Variants in PDE1A observed in about 807,000 individuals in gnomAD.
PDE1A encodes dual specificity calcium/calmodulin-dependent 3',5'-cyclic nucleotide phosphodiesterase 1A.
Under a neutral mutation model 61.7 loss-of-function variants are expected in PDE1A, and 35 were observed. That is an observed-to-expected ratio of 0.57 (90% CI 0.43 to 0.75). The LOEUF (loss-of-function observed/expected upper bound fraction) is 0.75. PDE1A is among the 30% of genes least tolerant of loss of function. The pLI is 0.00. For synonymous variants in PDE1A, 232 were observed against 213.2 expected (o/e 1.09, Z -0.77); for missense variants, 597 against 630.6 (o/e 0.95, Z 0.57).
chr2:182,622,515 A>G, the PDE1A span, among the ~76,000 whole-genome samples: 3 of 152,220 alleles, frequency 2.0e-5, no homozygotes, highest in Admixed American at 6.5e-5. Context: ...AAGTGTTGGA[A>G]GCACACTTCC....
the PDE1A span, among the ~76,000 whole-genome samples, chr2:182,644,293 G>GTGTGTGTGTC: frequency 2.0e-5 from 3 of 147,684 alleles, no homozygotes; most frequent in East Asian, 2.0e-4. Context: ...GTGTGTGTGT[G>GTGTGTGTGTC]TGTGTGTCTG....
chr2:182,535,365 A>G, the PDE1A span, among the ~76,000 whole-genome samples: 3 of 151,998 alleles, frequency 2.0e-5, no homozygotes, highest in Non-Finnish European at 4.4e-5. Context: ...CTAATTCCAA[A>G]GCCTGTACTC....
chr2:182,645,337 C>A, the PDE1A span, among the ~76,000 whole-genome samples: 1 of 152,188 alleles, frequency 6.6e-6, no homozygotes, highest in Admixed American at 6.5e-5. Context: ...ATAAATATTC[C>A]GTTTTACCTG....
intron 2 of PDE1A, among the ~76,000 whole-genome samples, chr2:182,477,780 C>T (rs1187514121): frequency 6.6e-6 from 1 of 151,908 alleles, no homozygotes; most frequent in Non-Finnish European, 1.5e-5. Flanking sequence ...GTAAACGACA[C>T]ACGAACTCAC....
At chr2:182,633,192 C>T in the PDE1A span, among the ~76,000 whole-genome samples, 3 of 152,178 alleles carry the variant, frequency 2.0e-5, no homozygotes, top group Non-Finnish European at 2.9e-5. Flanking sequence ...AATAGCACAA[C>T]ATGAATAAGA....
intron 2 of PDE1A, among the ~76,000 whole-genome samples, chr2:182,248,315 A>C (rs912007339): frequency 6.6e-5 from 10 of 152,104 alleles, no homozygotes; most frequent in African/African-American, 2.2e-4. Flanking sequence ...AGAAACGATA[A>C]GGAATATATG....
chr2:182,458,574 C>G (rs1291323270), intron 2 of PDE1A, among the ~76,000 whole-genome samples: 1 of 151,958 alleles, frequency 6.6e-6, no homozygotes, highest in African/African-American at 2.4e-5. Flanking sequence ...TGCCCTAAAG[C>G]AAATAAAGAG....
chr2:182,630,691 A>T, the PDE1A span, among the ~76,000 whole-genome samples: 1 of 152,130 alleles, frequency 6.6e-6, no homozygotes, highest in South Asian at 2.1e-4. Context: ...TAATGTTATT[A>T]ATCTTTTAAT....
At chr2:182,669,157 C>T in the PDE1A span, among the ~76,000 whole-genome samples, 51 of 152,254 alleles carry the variant, frequency 3.3e-4, no homozygotes, top group African/African-American at 1.2e-3. Context: ...ACCAAATAAC[C>T]TTTAATAAGG....
At chr2:182,591,247 G>T in the PDE1A span, among the ~76,000 whole-genome samples, 1 of 152,098 alleles carries the variant, frequency 6.6e-6, no homozygotes, top group South Asian at 2.1e-4. Flanking sequence ...AGTCTACCAG[G>T]TGTTCTATTA....
the PDE1A span, among the ~76,000 whole-genome samples, chr2:182,675,517 T>C: frequency 6.6e-6 from 1 of 152,152 alleles, no homozygotes; most frequent in Non-Finnish European, 1.5e-5. Context: ...TTTTAGGTCT[T>C]TGAGGAATTG....
chr2:182,575,995 A>G, the PDE1A span, among the ~76,000 whole-genome samples: 1 of 148,960 alleles, frequency 6.7e-6, no homozygotes, highest in Non-Finnish European at 1.5e-5. Context: ...AATTAGTACT[A>G]TATTAAGAAC....
the PDE1A span, among the ~76,000 whole-genome samples, chr2:182,551,235 T>C: frequency 1.3e-5 from 2 of 152,022 alleles, no homozygotes; most frequent in Admixed American, 1.3e-4. Flanking sequence ...ACAATAGCTA[T>C]AGGTGGCTGT....
At chr2:182,499,759 T>TC (rs1338025142) in intron 2 of PDE1A, among the ~76,000 whole-genome samples, 1 of 152,230 alleles carries the variant, frequency 6.6e-6, no homozygotes, top group African/African-American at 2.4e-5. Flanking sequence ...ACATATGAAT[T>TC]CATTTTTACA....
At position 182,239,615 on chromosome 2, in the gene PDE1A, A is replaced by C. The variant is rs890485512; in HGVS notation, c.350+495T>G. ...CTTCAGTGACAGAAATGTTGAAAAAAAAAAATAACCTATCAAAAGTGAGCA... is the reference window on the plus strand; with the variant it reads ...CTTCAGTGACAGAAATGTTGAAAAACAAAAATAACCTATCAAAAGTGAGCA... On this transcript the variant is annotated intron_variant, in intron 3 of 13. Coordinates refer to ENST00000351439, the Ensembl canonical transcript of PDE1A. Among the ~76,000 whole-genome samples, 252 of 152,152 alleles carry C rather than the reference A, an allele frequency of 1.7e-3. 1 individual carries two copies. The highest frequency in any genetic ancestry group is 3.2e-3 in the Non-Finnish European group (217 of 68,026).
At chr2:182,685,104 CAT>C in the PDE1A span, among the ~76,000 whole-genome samples, 35 of 149,678 alleles carry the variant, frequency 2.3e-4, no homozygotes, top group East Asian at 5.3e-3. Flanking sequence ...ATAACATATA[CAT>C]ATATATATAC....
chr2:182,473,107 A>G (rs1687137869), intron 2 of PDE1A, among the ~76,000 whole-genome samples: 1 of 151,780 alleles, frequency 6.6e-6, no homozygotes, highest in South Asian at 2.1e-4. Flanking sequence ...TCCTAATGCT[A>G]TCCCTCCCCC....
chr2:182,626,824 T>C, the PDE1A span, among the ~76,000 whole-genome samples: 22 of 22,058 alleles, frequency 1.0e-3, 1 homozygote, highest in South Asian at 3.4e-3. Flanking sequence ...CATATATATA[T>C]ACATATATAT....
chr2:182,485,624 A>G (rs1419987020), intron 2 of PDE1A, among the ~76,000 whole-genome samples: 1 of 152,062 alleles, frequency 6.6e-6, no homozygotes, highest in Non-Finnish European at 1.5e-5. Context: ...ATCTAACAAC[A>G]TATAAAAGAA....
Sources: allele counts gnomAD v4.1 joint callset (sites outside exome capture counted in the v4.1 genomes callset), GRCh38; gene constraint gnomAD v4.1.1; transcripts MANE v1.5; gene names NCBI Gene and HGNC (gene_info 2026-07-23, HGNC 2026-07-21).